The following TRIML1 variants were observed in gnomAD, a reference collection of about 807,000 sequenced individuals.
The protein encoded by TRIML1 is tripartite motif family like 1.
Under a neutral mutation model 32.3 loss-of-function variants are expected in TRIML1, and 34 were observed. The ratio of observed to expected loss-of-function variants is 1.05; its 90% CI spans 0.80 to 1.40. TRIML1 has a LOEUF of 1.40. Ranked by LOEUF, TRIML1 falls within the 40% of genes most tolerant of loss-of-function variation. The probability of loss-of-function intolerance (pLI) is 0.00; values close to 1 mark genes in which losing one functional copy is unlikely to be tolerated. For missense variants in TRIML1, 595 were observed against 574.9 expected, an observed-to-expected ratio of 1.03 and a Z score of -0.36; for synonymous variants, 244 against 226.6, an observed-to-expected ratio of 1.08 and a Z score of -0.69.
Position 188,142,497 on chromosome 4 carries a change from C to G in TRIML1, c.735+15C>G. The G allele has an allele frequency of 6.3e-7, 1 of 1,592,672 alleles. No homozygotes were observed. The highest frequency in any genetic ancestry group is 8.6e-7 in the Non-Finnish European group (1 of 1,162,330). On this transcript the variant is annotated intron_variant, in intron 3 of 5. Coordinates refer to ENST00000332517, the MANE Select transcript of TRIML1 (RefSeq NM_178556.5). ...AATCTCTTGAGGTGAGAATAACATT[C>G]ATGAGAGTAATGGGAAAAATTATAG...
At chr4:188,148,101 A>C (rs1306708177), downstream of TRIML1, among the ~76,000 whole-genome samples, 7 of 152,180 alleles carry the variant, frequency 4.6e-5, no homozygotes, top group African/African-American at 1.7e-4. Context: ...ACTATATTGC[A>C]TTGTATATAA....
downstream of TRIML1, among the ~76,000 whole-genome samples, chr4:188,148,465 C>A (rs533812474): frequency 1.3e-5 from 2 of 151,834 alleles, no homozygotes; most frequent in African/African-American, 4.8e-5. Flanking sequence ...TTGCACTCCA[C>A]CCTGGGCAAC....
Position 188,139,541 on chromosome 4 carries a change from A to G in TRIML1, c.-18A>G. On this transcript the variant is annotated 5_prime_UTR_variant, in exon 1 of 6. Coordinates refer to ENST00000332517, the MANE Select transcript of TRIML1 (RefSeq NM_178556.5). The stretch of plus-strand genomic sequence containing the variant: ...CAGAACAGAGGTGTAACCTGGCTGC[A>G]TATCCAGCCTCGAGAAAATGTCTAC... 6.4e-7 allele frequency: 1 copy of G among 1,552,110 alleles called. No individual in the cohort carries two copies. Among genetic ancestry groups the G allele is most frequent in the Non-Finnish European group, 8.7e-7 (1 of 1,146,648 alleles).
downstream of TRIML1, among the ~76,000 whole-genome samples, chr4:188,150,276 G>A (rs114436108): frequency 0.23 from 34,866 of 151,466 alleles, 4,383 homozygotes; most frequent in Middle Eastern, 0.38. Flanking sequence ...CCATAGGCAT[G>A]CACCACCACA....
Position 188,147,285 on chromosome 4 carries a change from C to G in TRIML1, c.1320C>G (p.Ala440=). ...YSFPQASFQE[A]LRPIFSPCLP... ...TCCCGCAGGCTTCTTTCCAAGAGGCCCTCAGGCCTATCTTTTCCCCCTGCC... is the reference window on the plus strand; with the variant it reads ...TCCCGCAGGCTTCTTTCCAAGAGGCGCTCAGGCCTATCTTTTCCCCCTGCC... The change falls in exon 6 of 6, where the codon GCC becomes GCG. Residue 440 remains alanine (A), a synonymous_variant. Transcript: ENST00000332517. 1 of 1,565,900 alleles carries G rather than the reference C, an allele frequency of 6.4e-7. No individual in the cohort carries two copies. Among genetic ancestry groups the G allele is most frequent in the African/African-American group, 1.4e-5 (1 of 73,378 alleles).
chr4:188,143,958 G>C, intron 4 of TRIML1, 78 bp from the exon 5 acceptor site: 1 of 1,604,470 alleles, frequency 6.2e-7, no homozygotes, highest in African/African-American at 1.3e-5. Context: ...GTTGCTGGGG[G>C]AGAAATGAGG....
chr4:188,147,490 C>T lies in TRIML1; in HGVS notation c.*118C>T. On this transcript the variant is annotated 3_prime_UTR_variant, in exon 6 of 6. Transcript: ENST00000332517. ...GATCTGAAATAAACTCCCGTAACCC[C>T]ACCCCACCCCCAAGAGTTTCCATTA... 1 of 818,578 alleles carries T rather than the reference C, an allele frequency of 1.2e-6. No individual in the cohort carries two copies. Among genetic ancestry groups the T allele is most frequent in the South Asian group, 4.4e-5 (1 of 22,538 alleles). The allele number at this position is 818,578 out of a possible 1,614,324, so 50.7% of individuals were successfully genotyped here.
chr4:188,144,509 C>T (rs1164914976), intron 5 of TRIML1, among the ~76,000 whole-genome samples: 4 of 143,440 alleles, frequency 2.8e-5, no homozygotes, highest in South Asian at 2.4e-4. Context: ...ACTACAGGCG[C>T]CCGCCACCAC....
In TRIML1 at chr4:188,146,933, G is replaced by C; in HGVS notation, c.968G>C (p.Arg323Thr). 1 of 1,504,366 alleles carries C rather than the reference G, an allele frequency of 6.6e-7. No individual in the cohort carries two copies. The allele number at this position is 1,504,366 out of a possible 1,614,324, so 93.2% of individuals were successfully genotyped here. A position where few individuals can be genotyped will look rare whatever the true frequency, so the allele number is the denominator to read the frequency against. Residue 323 changes from arginine (R) to threonine (T), a missense_variant, in exon 6 of 6, where the codon AGA (arginine) becomes ACA (threonine). By Grantham distance (71) the Arg-to-Thr change is moderately conservative (BLOSUM62 -1). Transcript: ENST00000332517. ...CAGCAGCTACCCGACAACCCGGAAA[G>C]ATTTGACCAGTCTGCGACTGTGCTG... ...SRQQLPDNPE[R>T]FDQSATVLGT...
intron 5 of TRIML1, 85 bp from the exon 6 acceptor site, chr4:188,146,737 T>A: frequency 9.0e-7 from 1 of 1,114,938 alleles, no homozygotes. Flanking sequence ...CAGGACTAAA[T>A]ACTAAGAATT....
In TRIML1 at chr4:188,146,952, T is replaced by C; in HGVS notation, c.987T>C (p.Thr329=). The C allele has an allele frequency of 6.5e-7, 1 of 1,531,310 alleles. No individual in the cohort carries two copies. Among genetic ancestry groups the C allele is most frequent in the Non-Finnish European group, 8.8e-7 (1 of 1,140,686 alleles). The allele number at this position is 1,531,310 out of a possible 1,614,324, so 94.9% of individuals were successfully genotyped here. The change falls in exon 6 of 6, where the codon ACT becomes ACC. Residue 329 remains threonine (T), a synonymous_variant. Transcript: ENST00000332517. The stretch of plus-strand genomic sequence containing the variant: ...CGGAAAGATTTGACCAGTCTGCGAC[T>C]GTGCTGGGTACTCAGATCTTCACCA... ...DNPERFDQSA[T]VLGTQIFTSG...
downstream of TRIML1, among the ~76,000 whole-genome samples, chr4:188,149,526 C>T (rs369507815): frequency 5.3e-5 from 8 of 152,068 alleles, no homozygotes; most frequent in South Asian, 2.1e-4. Flanking sequence ...CTGTAGGGTG[C>T]GCTTATCCTT....
At chr4:188,139,991 C>T (rs1029253147) in intron 1 of TRIML1, 25 bp downstream of exon 1, 23 of 1,562,996 alleles carry the variant, frequency 1.5e-5, no homozygotes, top group Non-Finnish European at 1.8e-5. Context: ...CAGCATGAAC[C>T]CCACGACTCA....
downstream of TRIML1, among the ~76,000 whole-genome samples, chr4:188,150,613 T>C (rs934225100): frequency 7.2e-5 from 11 of 152,202 alleles, no homozygotes; most frequent in Admixed American, 2.0e-4. Flanking sequence ...TTACATCTCA[T>C]TGTAGCATAA....
chr4:188,149,945 G>A (rs1424966328), downstream of TRIML1, among the ~76,000 whole-genome samples: 1 of 150,182 alleles, frequency 6.7e-6, no homozygotes, highest in Non-Finnish European at 1.5e-5. Flanking sequence ...TGGGACTACA[G>A]GTGCTCGCGC....
chr4:188,141,997 G>T (rs1005908776), intron 2 of TRIML1, among the ~76,000 whole-genome samples: 1 of 151,382 alleles, frequency 6.6e-6, no homozygotes, highest in Non-Finnish European at 1.5e-5. Flanking sequence ...CTAGACTATA[G>T]TCCCAGCTAC....
intron 5 of TRIML1, among the ~76,000 whole-genome samples, chr4:188,144,807 A>T (rs541897748): frequency 6.6e-6 from 1 of 152,220 alleles, no homozygotes; most frequent in South Asian, 2.1e-4. Context: ...CTAAAATCCC[A>T]GTGAGGGTGC....
chr4:188,138,189 G>C (rs1734720354), upstream of TRIML1, among the ~76,000 whole-genome samples: 1 of 152,092 alleles, frequency 6.6e-6, no homozygotes, highest in East Asian at 1.9e-4. Flanking sequence ...TTTTGACTAG[G>C]AGAAAGGAAG....
intron 3 of TRIML1, 85 bp from the exon 4 acceptor site, chr4:188,143,753 C>CTTTG (rs980431061): frequency 1.7e-5 from 26 of 1,528,006 alleles, no homozygotes; most frequent in African/African-American, 4.1e-5. Flanking sequence ...ATTCTGTGAG[C>CTTTG]TTTGCAAGGA....
Sources: gnomAD v4.1 joint callset for allele counts (sites outside exome capture counted in the v4.1 genomes callset) on GRCh38, gnomAD v4.1.1 for gene constraint, MANE v1.5 for transcripts, NCBI Gene and HGNC (gene_info 2026-07-23, HGNC 2026-07-21) for gene names.